AFG1L: variants seen among roughly 807,000 people sequenced by gnomAD.
The protein encoded by AFG1L is AFG1 like ATPase.
A neutral mutation model predicts 62.2 loss-of-function variants in AFG1L; 53 were observed. The ratio of observed to expected loss-of-function variants is 0.85; its 90% CI spans 0.68 to 1.07. The LOEUF (loss-of-function observed/expected upper bound fraction) is 1.07. Ranked by LOEUF, AFG1L falls within the 50% of genes least tolerant of loss-of-function variation. The probability of loss-of-function intolerance (pLI) is 0.00; values close to 1 mark genes in which losing one functional copy is unlikely to be tolerated. For synonymous variants in AFG1L, 228 were observed against 210.3 expected, an observed-to-expected ratio of 1.08 and a Z score of -0.73; for missense variants, 555 against 590.5, an observed-to-expected ratio of 0.94 and a Z score of 0.62.
rs1562113949 is a variant in AFG1L, at chr6:108,369,941, TGGCTGG to T, written c.748+3610_748+3615del. On this transcript the variant is annotated intron_variant, in intron 6 of 12. Transcript: ENST00000368977. Reference sequence around the variant, plus strand: ...TGATCTGGCTGGCTGGCTGGCTGGCTGGCTGGCTATCTATCTATCTATCTATCTATC... The same window carrying T: ...TGATCTGGCTGGCTGGCTGGCTGGCTCTATCTATCTATCTATCTATCTATC... Among the ~76,000 whole-genome samples the T allele has an allele frequency of 2.5e-4, 38 of 149,940 alleles. No individual in the cohort carries two copies. The East Asian group carries it at 3.3e-3, about 13-fold the overall frequency.
At chr6:108,325,006 A>T (rs904188715) in intron 2 of AFG1L, among the ~76,000 whole-genome samples, 1 of 151,922 alleles carries the variant, frequency 6.6e-6, no homozygotes, top group Admixed American at 6.6e-5. Flanking sequence ...GACATTTCTT[A>T]TTGGGTCATC....
At chr6:108,307,517 C>T (rs1324153675) in intron 1 of AFG1L, among the ~76,000 whole-genome samples, 3 of 150,720 alleles carry the variant, frequency 2.0e-5, no homozygotes, top group Non-Finnish European at 4.4e-5. Context: ...TCCAAGTAAT[C>T]CTCCCAGCTC....
intron 8 of AFG1L, among the ~76,000 whole-genome samples, chr6:108,453,680 C>T (rs1311103316): frequency 1.3e-5 from 2 of 152,186 alleles, no homozygotes; most frequent in Non-Finnish European, 2.9e-5. Context: ...AACTTAAAAA[C>T]ATTTCTTAGA....
chr6:108,380,475 G>C (rs1282733781), intron 6 of AFG1L, among the ~76,000 whole-genome samples: 1 of 152,200 alleles, frequency 6.6e-6, no homozygotes, highest in Non-Finnish European at 1.5e-5. Context: ...TCGCCACCCA[G>C]GAGAAACTGC....
At chr6:108,495,032 C>T (rs748581217) in intron 10 of AFG1L, among the ~76,000 whole-genome samples, 1 of 152,116 alleles carries the variant, frequency 6.6e-6, no homozygotes, top group Non-Finnish European at 1.5e-5. Flanking sequence ...ATCTCGGCCT[C>T]CCAAAGTGCT....
chr6:108,377,794 C>T (rs1780314248), intron 6 of AFG1L, among the ~76,000 whole-genome samples: 1 of 150,336 alleles, frequency 6.7e-6, no homozygotes. Context: ...ATGTCTACCT[C>T]CCTGGCAAGA....
intron 5 of AFG1L, among the ~76,000 whole-genome samples, chr6:108,361,284 C>T (rs1262529064): frequency 6.6e-6 from 1 of 152,214 alleles, no homozygotes. Context: ...TGGCCTGGCG[C>T]AGACCCTGGT....
intron 7 of AFG1L, among the ~76,000 whole-genome samples, chr6:108,413,960 CA>C (rs1365617298): frequency 1.3e-5 from 2 of 151,888 alleles, no homozygotes; most frequent in South Asian, 2.1e-4. Context: ...AAAAACCCTT[CA>C]AAAAAATCAA....
chr6:108,397,991 T>C (rs1781393828), intron 6 of AFG1L, among the ~76,000 whole-genome samples: 2 of 152,198 alleles, frequency 1.3e-5, no homozygotes, highest in South Asian at 4.1e-4. Flanking sequence ...TGCTGGATCA[T>C]GTAGTAGCTC....
At chr6:108,389,029 A>T (rs1272842595) in intron 6 of AFG1L, among the ~76,000 whole-genome samples, 4 of 151,932 alleles carry the variant, frequency 2.6e-5, no homozygotes, top group Admixed American at 1.3e-4. Context: ...TTTGTAGGTC[A>T]CTCAGGACTT....
chr6:108,445,850 T>C lies in AFG1L; in HGVS notation c.808-1364T>C, dbSNP rs117852872. On this transcript the variant is annotated intron_variant, in intron 7 of 12. Coordinates refer to ENST00000368977, the MANE Select transcript of AFG1L (RefSeq NM_145315.5). ...ATCATATAATTAATGACATAATTTT[T>C]AAAAGTTTGAAATACTACAAGAATT... Among the ~76,000 whole-genome samples the C allele has an allele frequency of 1.4e-4, 21 of 152,266 alleles. No individual in the cohort carries two copies. The East Asian group carries it at 3.9e-3, about 28-fold the overall frequency.
intron 10 of AFG1L, among the ~76,000 whole-genome samples, chr6:108,484,043 A>G (rs1773430820): frequency 6.6e-6 from 1 of 152,200 alleles, no homozygotes; most frequent in Non-Finnish European, 1.5e-5. Context: ...CACTCTCAGT[A>G]AATATCATAC....
chr6:108,434,138 CACATGTATATTGA>C (rs1365186175), intron 7 of AFG1L, among the ~76,000 whole-genome samples: 1 of 152,192 alleles, frequency 6.6e-6, no homozygotes, highest in Non-Finnish European at 1.5e-5. Flanking sequence ...GTGGTTCTGA[CACATGTATATTGA>C]ACAAACATGC....
intron 1 of AFG1L, among the ~76,000 whole-genome samples, chr6:108,296,523 T>C (rs530838166): frequency 6.6e-6 from 1 of 152,318 alleles, no homozygotes; most frequent in South Asian, 2.1e-4. Flanking sequence ...AGATATATTC[T>C]GTGTATGTAT....
intron 2 of AFG1L, among the ~76,000 whole-genome samples, chr6:108,327,472 C>G (rs1221187275): frequency 6.6e-6 from 1 of 152,180 alleles, no homozygotes; most frequent in African/African-American, 2.4e-5. Context: ...CTGGCAAATT[C>G]AGTGTCTGAT....
chr6:108,400,147 G>A (rs375302202), intron 6 of AFG1L, among the ~76,000 whole-genome samples: 72 of 152,112 alleles, frequency 4.7e-4, no homozygotes, highest in African/African-American at 1.6e-3. Flanking sequence ...TAATTTGACT[G>A]TTTCCTTTTC....
chr6:108,452,266 T>C (rs1183294958), intron 8 of AFG1L, among the ~76,000 whole-genome samples: 1 of 152,208 alleles, frequency 6.6e-6, no homozygotes, highest in Non-Finnish European at 1.5e-5. Context: ...TATATGCATA[T>C]CTTTTTAAAC....
intron 10 of AFG1L, among the ~76,000 whole-genome samples, chr6:108,498,875 G>C (rs1774073012): frequency 6.6e-6 from 1 of 151,954 alleles, no homozygotes; most frequent in Non-Finnish European, 1.5e-5. Context: ...TTGGAAAGCT[G>C]GGGCAGGAGA....
At chr6:108,443,133 G>T (rs1047769141) in intron 7 of AFG1L, among the ~76,000 whole-genome samples, 2 of 152,186 alleles carry the variant, frequency 1.3e-5, no homozygotes, top group Non-Finnish European at 2.9e-5. Context: ...CCTGGTTTCT[G>T]TAGGTCAAGG....
Sources: gnomAD v4.1 joint callset for allele counts (sites outside exome capture counted in the v4.1 genomes callset) on GRCh38, gnomAD v4.1.1 for gene constraint, MANE v1.5 for transcripts, NCBI Gene and HGNC (gene_info 2026-07-23, HGNC 2026-07-21) for gene names.